RECQL: variants seen among roughly 807,000 people sequenced by gnomAD.
RECQL encodes ATP-dependent DNA helicase Q1.
A neutral mutation model predicts 75.8 loss-of-function variants in RECQL; 73 were observed. The ratio of observed to expected loss-of-function variants is 0.96; its 90% CI spans 0.80 to 1.17. The LOEUF (loss-of-function observed/expected upper bound fraction) is 1.17. Ranked by LOEUF, RECQL falls within the 50% of genes most tolerant of loss-of-function variation. The pLI, the probability that RECQL is intolerant of heterozygous loss-of-function variation, is 0.00. For missense variants in RECQL, 699 were observed against 772.1 expected (o/e 0.91, Z 1.12); for synonymous variants, 248 against 254.4 (o/e 0.97, Z 0.24).
intron 12 of RECQL, among the ~76,000 whole-genome samples, chr12:21,472,633 T>C (rs76460168): frequency 0.033 from 5,016 of 152,172 alleles, 112 homozygotes; most frequent in Middle Eastern, 0.068. Context: ...ATCATGCAAA[T>C]ACATTATATT....
chr12:21,495,209 G>C (rs1487664524), intron 2 of RECQL, among the ~76,000 whole-genome samples: 1 of 152,136 alleles, frequency 6.6e-6, no homozygotes, highest in East Asian at 1.9e-4. Context: ...GAGCCTGTTG[G>C]GGAAGGACTC....
chr12:21,489,768 G>A lies in RECQL; in HGVS notation c.394+431C>T, dbSNP rs35324965. On this transcript the variant is annotated intron_variant, in intron 4 of 14. Coordinates refer to ENST00000444129, the MANE Select transcript of RECQL (RefSeq NM_002907.4). Reference sequence around the variant, plus strand: ...AATAATTTAGATAGGGTTTCGAAAAGCTAGAAGAGAGGATTTTGAATGTTC... The same window carrying A: ...AATAATTTAGATAGGGTTTCGAAAAACTAGAAGAGAGGATTTTGAATGTTC... Among the ~76,000 whole-genome samples the A allele has an allele frequency of 3.4e-3, 521 of 152,300 alleles. 2 individuals carry two copies. Among genetic ancestry groups the A allele is most frequent in the Admixed American group, 8.0e-3 (123 of 15,300 alleles).
chr12:21,486,320 A>G (rs567637312), intron 5 of RECQL, among the ~76,000 whole-genome samples, 159 bp downstream of exon 5: 1 of 152,240 alleles, frequency 6.6e-6, no homozygotes, highest in Admixed American at 6.5e-5. Context: ...TGGGACATAC[A>G]AAAATAGACA....
At chr12:21,481,386 A>C (rs1323297452) in intron 6 of RECQL, among the ~76,000 whole-genome samples, 1 of 152,186 alleles carries the variant, frequency 6.6e-6, no homozygotes, top group African/African-American at 2.4e-5. Flanking sequence ...TAGATATGGG[A>C]ATAATGTTTT....
At chr12:21,480,186 T>C (rs1943166118) in intron 6 of RECQL, among the ~76,000 whole-genome samples, 1 of 152,160 alleles carries the variant, frequency 6.6e-6, no homozygotes, top group South Asian at 2.1e-4. Flanking sequence ...GATCACATAT[T>C]ACCCTATGGG....
rs1371526872 is a variant in RECQL, at chr12:21,472,415, TAGAC to T, written c.1448-772_1448-769del. On this transcript the variant is annotated intron_variant, in intron 12 of 14. Transcript: ENST00000444129. The stretch of plus-strand genomic sequence containing the variant: ...AGAGTATAGGAAAATGGCGGCTCCA[TAGAC>T]AGAGCAGGGCTACCCCAAAGGCAGA... Among the ~76,000 whole-genome samples, 3 of 152,030 alleles carry T rather than the reference TAGAC, an allele frequency of 2.0e-5. No individual in the cohort carries two copies. The South Asian group carries it at 6.2e-4, about 31-fold the overall frequency.
Position 21,486,594 on chromosome 12 carries a change from GAA to G in RECQL, c.395-11_395-10del, listed in dbSNP as rs10712738. ...AATGACGAGTGTAAAACCTAAAAGA[GAA>G]AAAAAAAAAAATCTACCTTAAACTT... On this transcript the variant is annotated splice_polypyrimidine_tract_variant and intron_variant, in intron 4 of 14. Transcript: ENST00000444129. 7.7e-3 allele frequency: 9,662 copies of G among 1,256,780 alleles called. No homozygotes were observed. Among genetic ancestry groups the G allele is most frequent in the East Asian group, 0.021 (688 of 33,488 alleles). 77.9% of individuals were successfully genotyped at this position (1,256,780 alleles called of 1,614,324 possible). A position where few individuals can be genotyped will look rare whatever the true frequency, so the allele number is the denominator to read the frequency against.
intron 2 of RECQL, among the ~76,000 whole-genome samples, chr12:21,495,693 T>G (rs1232735177): frequency 6.6e-6 from 1 of 152,232 alleles, no homozygotes; most frequent in Admixed American, 6.5e-5. Context: ...GCCATGGTGA[T>G]CCACCAGTCA....
chr12:21,473,062 G>A (rs1218453136), intron 12 of RECQL, among the ~76,000 whole-genome samples: 3 of 151,948 alleles, frequency 2.0e-5, no homozygotes, highest in Non-Finnish European at 4.4e-5. Context: ...TTTTAATTCT[G>A]GAAAATCTGA....
At chr12:21,473,795 C>T (rs948969491) in intron 11 of RECQL, among the ~76,000 whole-genome samples, 153 bp from the exon 12 acceptor site, 6 of 152,076 alleles carry the variant, frequency 3.9e-5, no homozygotes, top group African/African-American at 1.4e-4. Context: ...TTTATTCTTA[C>T]ATTTCTGTGG....
At chr12:21,478,761 G>C (rs1411889693) in intron 6 of RECQL, among the ~76,000 whole-genome samples, 1 of 152,310 alleles carries the variant, frequency 6.6e-6, no homozygotes, top group African/African-American at 2.4e-5. Context: ...ACCCAAAAGA[G>C]GGACTTGTGC....
At chr12:21,500,134 A>G (rs1326037827) in intron 1 of RECQL, among the ~76,000 whole-genome samples, 3 of 152,242 alleles carry the variant, frequency 2.0e-5, no homozygotes, top group Admixed American at 6.5e-5. Context: ...AACATAAATA[A>G]TAAAATTAAT....
In RECQL at chr12:21,475,540, C is replaced by G. The variant is rs766978209; in HGVS notation, c.1144G>C (p.Asp382His). 6.2e-7 allele frequency: 1 copy of G among 1,612,868 alleles called. No individual in the cohort carries two copies. Among genetic ancestry groups the G allele is most frequent in the African/African-American group, 1.3e-5 (1 of 74,896 alleles). ...VAFGMGIDKP[D>H]VRFVIHHSMS... ...GAATGATGGATAACAAACCTCACAT[C>G]TGGCTTATCAATTCCCATACCAAAT... The change falls in exon 10 of 15, where the codon GAT becomes CAT. Residue 382 changes from aspartate (D) to histidine (H), a missense_variant. Around this residue, in one of 2 missense-constraint regions of RECQL, gnomAD observed 669 missense variants for 713.5 expected, o/e 0.94. Coordinates refer to ENST00000444129, the MANE Select transcript of RECQL (RefSeq NM_002907.4).
chr12:21,490,242 A>C lies in RECQL; in HGVS notation c.351T>G (p.Gly117=), dbSNP rs1591988535. ...KEVFLVMPTG[G]GKSLCYQLPA... is the part of the protein sequence containing the mutation. Reference sequence around the variant, plus strand: ...GTAACTGGTAACATAAGCTCTTTCCACCTCCTGTAGGCATAACAAGAAATA... The same window carrying C: ...GTAACTGGTAACATAAGCTCTTTCCCCCTCCTGTAGGCATAACAAGAAATA... The change falls in exon 4 of 15, where the codon GGT becomes GGG. Residue 117 remains glycine (G), a synonymous_variant. Coordinates refer to ENST00000444129, the MANE Select transcript of RECQL (RefSeq NM_002907.4). The C allele has an allele frequency of 6.2e-7, 1 of 1,612,920 alleles. No individual in the cohort carries two copies.
intron 6 of RECQL, among the ~76,000 whole-genome samples, chr12:21,479,221 C>T (rs1009603667): frequency 1.3e-5 from 2 of 152,204 alleles, no homozygotes; most frequent in African/African-American, 4.8e-5. Context: ...CATCGTGACT[C>T]TGCTTCTCTG....
intron 2 of RECQL, among the ~76,000 whole-genome samples, chr12:21,497,019 T>G (rs1339674874): frequency 6.6e-6 from 1 of 152,200 alleles, no homozygotes; most frequent in African/African-American, 2.4e-5. Flanking sequence ...GCAAAGCTCT[T>G]TGCCATTATC....
chr12:21,472,536 AAGGTT>A (rs1352070498), intron 12 of RECQL, among the ~76,000 whole-genome samples: 2 of 151,874 alleles, frequency 1.3e-5, no homozygotes, highest in Non-Finnish European at 2.9e-5. Context: ...TCTTCTAGAA[AAGGTT>A]AGGGAGTTCC....
chr12:21,500,444 C>T (rs1420584567), intron 1 of RECQL, among the ~76,000 whole-genome samples: 1 of 152,208 alleles, frequency 6.6e-6, no homozygotes, highest in Non-Finnish European at 1.5e-5. Flanking sequence ...AAAGTCACTT[C>T]TGCAACACCT....
chr12:21,487,026 T>G (rs2137391955), intron 4 of RECQL, among the ~76,000 whole-genome samples: 1 of 152,292 alleles, frequency 6.6e-6, no homozygotes, highest in Non-Finnish European at 1.5e-5. Flanking sequence ...TAATTTTTAA[T>G]GCAGCTTTAG....
Sources: gnomAD v4.1 joint callset for allele counts (sites outside exome capture counted in the v4.1 genomes callset) on GRCh38, gnomAD v4.1.1 for gene constraint, gnomAD v4.1.1 regional missense constraint, MANE v1.5 for transcripts, NCBI Gene and HGNC (gene_info 2026-07-23, HGNC 2026-07-21) for gene names.